Variants in POLG2 observed in about 807,000 individuals in gnomAD.
POLG2 encodes the protein DNA polymerase subunit gamma-2.
In POLG2, 50 loss-of-function variants were observed where a neutral mutation model predicts 56.5. That is an observed-to-expected ratio of 0.88 (90% CI 0.71 to 1.12). The LOEUF is 1.12. Ranked by LOEUF, POLG2 falls within the 50% of genes most tolerant of loss-of-function variation. POLG2 has a pLI of 0.00. For synonymous variants in POLG2, 226 were observed against 222.6 expected, an observed-to-expected ratio of 1.02 and a Z score of -0.14; for missense variants, 584 against 583.3, an observed-to-expected ratio of 1.00 and a Z score of -0.01.
chr17:64,486,775 C>T (rs1384562225), intron 4 of POLG2: 2 of 152,014 alleles, frequency 1.3e-5, no homozygotes, highest in Non-Finnish European at 2.9e-5. Context: ...TTTTCTGAAA[C>T]GTAAAGTTAT....
At chr17:64,482,124 A>G (rs1490054252) in intron 6 of POLG2, among the ~76,000 whole-genome samples, 4 of 125,834 alleles carry the variant, frequency 3.2e-5, no homozygotes, top group Admixed American at 2.5e-4. Context: ...TTTTTTCTGA[A>G]GCAGGGTCTT....
At chr17:64,496,349 A>G in intron 1 of POLG2, 58 bp downstream of exon 1, 1 of 1,142,374 alleles carries the variant, frequency 8.8e-7, no homozygotes, top group Non-Finnish European at 1.3e-6. Flanking sequence ...AGATCCAGCA[A>G]GACTGCCTCG....
In POLG2 at chr17:64,492,686, C is replaced by T. The variant is rs368309122; in HGVS notation, c.776G>A (p.Arg259Gln). Residue 259 changes from arginine (R) to glutamine (Q), a missense_variant, in exon 3 of 8, where the codon CGA becomes CAA. Transcript: ENST00000539111. ...NQWLDFWLRH[R>Q]LQWWRKFAMS... ...CAGTACCTTTCTCCACCACTGGAGT[C>T]GATGACGTAACCAGAAATCAAGCCA... is the stretch of plus-strand genomic sequence containing the variant. 10 of 1,607,974 alleles carry T rather than the reference C, an allele frequency of 6.2e-6. No homozygotes were observed. The highest frequency in any genetic ancestry group is 1.7e-4 in the Middle Eastern group (1 of 6,056).
chr17:64,496,580 G>A lies in POLG2; in HGVS notation c.389C>T (p.Ala130Val). 1 of 1,613,532 alleles carries A rather than the reference G, an allele frequency of 6.2e-7. No homozygotes were observed. The highest frequency in any genetic ancestry group is 8.5e-7 in the Non-Finnish European group (1 of 1,179,572). The change falls in exon 1 of 8, where the codon GCC becomes GTC. Residue 130 changes from alanine (A) to valine (V), a missense_variant. Physicochemically the swap from Ala to Val is moderately conservative, Grantham distance 64. Coordinates refer to ENST00000539111, the MANE Select transcript of POLG2 (RefSeq NM_007215.4). ...VFREQVFPVD[A>V]LHHKPGPLLP... is the part of the protein sequence containing the mutation. Reference sequence around the variant, plus strand: ...CAAAGGGCCTGGTTTGTGGTGGAGGGCGTCCACCGGGAATACCTGCTCCCT... The same window carrying A: ...CAAAGGGCCTGGTTTGTGGTGGAGGACGTCCACCGGGAATACCTGCTCCCT...
At chr17:64,491,646 T>C (rs2038060401) in intron 3 of POLG2, 2 of 1,408,296 alleles carry the variant, frequency 1.4e-6, no homozygotes, top group South Asian at 2.3e-5. Flanking sequence ...TCAAAGAGGT[T>C]ACTACTGGTA....
Position 64,482,960 on chromosome 17 carries a change from C to T in POLG2, c.1150G>A (p.Ala384Thr). ...LHPCLAPIKV[A>T]LDVGRGPTLE... is the part of the protein sequence containing the mutation. Reference sequence around the variant, plus strand: ...GTGGGGCCTCTTCCTACATCCAAAGCAACCTTAATAGGGGCTAAACAAGGG... The same window carrying T: ...GTGGGGCCTCTTCCTACATCCAAAGTAACCTTAATAGGGGCTAAACAAGGG... Residue 384 changes from alanine to threonine, a missense_variant, in exon 6 of 8, where the codon GCT (alanine) becomes ACT (threonine). Transcript: ENST00000539111. 1 of 1,608,028 alleles carries T rather than the reference C, an allele frequency of 6.2e-7. No individual in the cohort carries two copies. Among genetic ancestry groups the T allele is most frequent in the Non-Finnish European group, 8.5e-7 (1 of 1,174,586 alleles).
chr17:64,481,393 G>T, intron 6 of POLG2: 1 of 985,372 alleles, frequency 1.0e-6, no homozygotes. Context: ...CCGCATTCAG[G>T]TCTGGGCTGG....
chr17:64,485,784 C>T lies in POLG2; in HGVS notation c.1054G>A (p.Asp352Asn), dbSNP rs1459993279. Reference sequence around the variant, plus strand: ...GAGTTCTCTGTCAGCTGGAAAGAATCATAGAGGTAGGCCAGCATGCCTCGG... The same window carrying T: ...GAGTTCTCTGTCAGCTGGAAAGAATTATAGAGGTAGGCCAGCATGCCTCGG... The part of the protein sequence containing the change: ...LDRGMLAYLY[D>N]SFQLTENSFT... Residue 352 changes from aspartate (D) to asparagine (N), a missense_variant, in exon 5 of 8, where the codon GAT becomes AAT. Transcript: ENST00000539111. 6.2e-6 allele frequency: 10 copies of T among 1,612,878 alleles called. No individual in the cohort carries two copies. In the Admixed American group the frequency reaches 1.7e-4, roughly 27 times the overall value.
At chr17:64,481,450 G>T in intron 6 of POLG2, 8 of 982,988 alleles carry the variant, frequency 8.1e-6, no homozygotes, top group Non-Finnish European at 9.7e-6. Flanking sequence ...GGAGTCTCTG[G>T]AACGAAATGA....
chr17:64,483,032 G>C (rs782242651), intron 5 of POLG2, 33 bp from the exon 6 acceptor site: 1 of 1,067,046 alleles, frequency 9.4e-7, no homozygotes. Context: ...GGAGAAGACA[G>C]GAAAGGGGAA....
intron 4 of POLG2, among the ~76,000 whole-genome samples, chr17:64,490,047 C>T (rs1408545769): frequency 2.0e-5 from 3 of 151,982 alleles, no homozygotes; most frequent in African/African-American, 7.3e-5. Flanking sequence ...GCCTCAGCCT[C>T]CCAAGTAGCT....
chr17:64,480,496 G>T, intron 6 of POLG2, 107 bp from the exon 7 acceptor site: 1 of 550,154 alleles, frequency 1.8e-6, no homozygotes, highest in South Asian at 1.8e-5. Context: ...TCTAAAATGG[G>T]TATGTTTCTT....
intron 4 of POLG2, among the ~76,000 whole-genome samples, chr17:64,490,263 G>T (rs1167689143): frequency 1.3e-5 from 2 of 152,064 alleles, no homozygotes; most frequent in African/African-American, 4.8e-5. Flanking sequence ...CTTTACACTG[G>T]AGAAATCTAG....
rs1179638896 is a variant in POLG2 at position 64,482,330 on chromosome 17, T to C, written c.1191+589A>G. ...TATTGGCCAGGCAAATTAAAAACTT[T>C]TTTTTTTTTTTTTGAGACGGAGTCT... On this transcript the variant is annotated intron_variant, in intron 6 of 7. Transcript: ENST00000539111. Among the ~76,000 whole-genome samples, 27 of 150,178 alleles carry C rather than the reference T, an allele frequency of 1.8e-4. 1 individual carries two copies. The South Asian group carries it at 5.5e-3, about 30-fold the overall frequency.
At chr17:64,493,863 A>T (rs558097953) in intron 1 of POLG2, among the ~76,000 whole-genome samples, 1 of 152,172 alleles carries the variant, frequency 6.6e-6, no homozygotes, top group African/African-American at 2.4e-5. Flanking sequence ...CCCTTTACCT[A>T]GATTCATCAA....
chr17:64,491,921 C>A, intron 3 of POLG2: 5 of 134,408 alleles, frequency 3.7e-5, no homozygotes, highest in South Asian at 1.9e-4. Flanking sequence ...ATGACTGGTA[C>A]TTGTGAAAAA....
intron 1 of POLG2, among the ~76,000 whole-genome samples, chr17:64,493,974 T>C (rs578113484): frequency 1.3e-5 from 2 of 152,292 alleles, no homozygotes; most frequent in South Asian, 4.1e-4. Flanking sequence ...TATAACACCA[T>C]AAAAAGTTAA....
chr17:64,485,943 C>T (rs2037944744), intron 4 of POLG2, 75 bp from the exon 5 acceptor site: 14 of 1,461,692 alleles, frequency 9.6e-6, no homozygotes, highest in South Asian at 5.8e-5. Flanking sequence ...GACGGAGTCT[C>T]ACTCTGTCAC....
At chr17:64,483,135 C>T in intron 5 of POLG2, 136 bp from the exon 6 acceptor site, 1 of 575,332 alleles carries the variant, frequency 1.7e-6, no homozygotes, top group South Asian at 2.2e-5. Context: ...TGTGTGAAAA[C>T]AGAAGTTAGC....
Sources: allele counts gnomAD v4.1 joint callset (sites outside exome capture counted in the v4.1 genomes callset), GRCh38; gene constraint gnomAD v4.1.1; transcripts MANE v1.5; gene names NCBI Gene and HGNC (gene_info 2026-07-23, HGNC 2026-07-21).